PPIF: variants seen among roughly 807,000 people sequenced by gnomAD.
The protein encoded by PPIF is peptidylprolyl isomerase F, also known as peptidyl-prolyl cis-trans isomerase F, mitochondrial.
PPIF carries 23 observed loss-of-function variants against 20.2 expected under a neutral mutation model. The observed-to-expected ratio is 1.14, with a 90% CI of 0.82 to 1.61. The LOEUF is 1.61. Ranked by LOEUF, PPIF falls within the 40% of genes most tolerant of loss-of-function variation. PPIF has a pLI of 0.00. For synonymous variants in PPIF, 113 were observed against 123.1 expected (o/e 0.92, Z 0.54); for missense variants, 287 against 291.6 (o/e 0.98, Z 0.11).
Position 79,355,057 on chromosome 10 carries a change from C to A in PPIF, c.*1215C>A, listed in dbSNP as rs8837. On this transcript the variant is annotated 3_prime_UTR_variant, in exon 6 of 6. Coordinates refer to ENST00000225174, the MANE Select transcript of PPIF (RefSeq NM_005729.4). ...TCCCCAGTGCTGGAGGTGGGGCCTG[C>A]TACGAGGTGTTTGGATCATGGGGAC... 6.6e-6 allele frequency: 1 copy of A among 152,142 alleles called. No individual in the cohort carries two copies. Among genetic ancestry groups the A allele is most frequent in the African/African-American group, 2.4e-5 (1 of 41,402 alleles). 9.4% of individuals were successfully genotyped at this position (152,142 alleles called of 1,614,324 possible).
chr10:79,347,810 C>T, intron 1 of PPIF, 67 bp downstream of exon 1: 1 of 1,242,878 alleles, frequency 8.0e-7, no homozygotes, highest in Non-Finnish European at 1.0e-6. Flanking sequence ...GGGCCCCGGG[C>T]GGCGCGGTGC....
At chr10:79,349,436 C>G (rs1453710944) in intron 2 of PPIF, among the ~76,000 whole-genome samples, 1 of 152,256 alleles carries the variant, frequency 6.6e-6, no homozygotes, top group Non-Finnish European at 1.5e-5. Context: ...TGCTGGCCAG[C>G]ACAGCCATGA....
intron 4 of PPIF, 114 bp from the exon 5 acceptor site, chr10:79,352,203 A>G (rs1188395326): frequency 1.5e-5 from 14 of 925,088 alleles, no homozygotes; most frequent in Non-Finnish European, 2.1e-5. Context: ...TCTGGGTCCC[A>G]GGATCTGCAG....
intron 5 of PPIF, 34 bp downstream of exon 5, chr10:79,352,426 G>A (rs996167135): frequency 1.3e-5 from 20 of 1,595,434 alleles, no homozygotes; most frequent in South Asian, 5.5e-5. Flanking sequence ...CTGGGAATGC[G>A]GGCAGCCTTG....
At chr10:79,353,664 A>G in intron 5 of PPIF, 43 bp from the exon 6 acceptor site, 1 of 1,614,040 alleles carries the variant, frequency 6.2e-7, no homozygotes, top group South Asian at 1.1e-5. Context: ...ATTGGATGAC[A>G]TTGCGCTACA....
rs114909944 is a variant in PPIF at position 79,353,830 on chromosome 10, C to A, written c.612C>A (p.Gly204=). The A allele has an allele frequency of 6.2e-7, 1 of 1,614,138 alleles. No individual in the cohort carries two copies. The highest frequency in any genetic ancestry group is 8.5e-7 in the Non-Finnish European group (1 of 1,179,972). ...AGAAGATTGTCATCACAGACTGTGG[C>A]CAGTTGAGCTAATCTGTGGCCAGGG... ...TSKKIVITDC[G]QLS Residue 204 remains glycine, a synonymous_variant, in exon 6 of 6, where the codon GGC becomes GGA. Coordinates refer to ENST00000225174, the MANE Select transcript of PPIF (RefSeq NM_005729.4).
At chr10:79,353,011 G>A (rs751680364) in intron 5 of PPIF, among the ~76,000 whole-genome samples, 26 of 152,270 alleles carry the variant, frequency 1.7e-4, no homozygotes, top group Non-Finnish European at 3.7e-4. Context: ...GGCACCTGGG[G>A]ATGAACTGGC....
Position 79,349,728 on chromosome 10 carries a change from G to A in PPIF, c.290G>A (p.Arg97Lys). ...GGCTACAAAGGCTCCACCTTCCACA[G>A]GGTGATCCCTTCCTTCATGTGCCAG... ...GFGYKGSTFH[R>K]VIPSFMCQAG... The change falls in exon 3 of 6, where the codon AGG becomes AAG. Residue 97 changes from arginine to lysine, a missense_variant. Physicochemically the swap from Arg to Lys is conservative, Grantham distance 26. Coordinates refer to ENST00000225174, the MANE Select transcript of PPIF (RefSeq NM_005729.4). 6.2e-7 allele frequency: 1 copy of A among 1,614,070 alleles called. No individual in the cohort carries two copies. Among genetic ancestry groups the A allele is most frequent in the South Asian group, 1.1e-5 (1 of 91,080 alleles).
chr10:79,354,413 C>T lies in PPIF; in HGVS notation c.*571C>T, dbSNP rs76010993. On this transcript the variant is annotated 3_prime_UTR_variant, in exon 6 of 6. Coordinates refer to ENST00000225174, the MANE Select transcript of PPIF (RefSeq NM_005729.4). ...GGTTCCCCCGCTGAGATCTTTCCTC[C>T]TGGTTACTGTGAAGCCTGTTGGTTT... The T allele has an allele frequency of 7.4e-3, 1,146 of 154,998 alleles. 12 individuals carry two copies. The highest frequency in any genetic ancestry group is 0.026 in the African/African-American group (1,084 of 41,556). The allele number at this position is 154,998 out of a possible 1,614,324, so 9.6% of individuals were successfully genotyped here. A position where few individuals can be genotyped will look rare whatever the true frequency, so the allele number is the denominator to read the frequency against.
In PPIF at chr10:79,347,868, TCA is replaced by T. The variant is rs1491443879; in HGVS notation, c.195+126_195+127del. 5 of 1,213,648 alleles carry T rather than the reference TCA, an allele frequency of 4.1e-6. No individual in the cohort carries two copies. The Admixed American group carries it at 1.3e-4, about 31-fold the overall frequency. The allele number at this position is 1,213,648 out of a possible 1,614,324, so 75.2% of individuals were successfully genotyped here. A position where few individuals can be genotyped will look rare whatever the true frequency, so the allele number is the denominator to read the frequency against. On this transcript the variant is annotated intron_variant, in intron 1 of 5. Transcript: ENST00000225174. ...GCCTCCCCATGCCGAGCTCTGGGCC[TCA>T]GTTTCCCCATTTCTGAGAATGGGCG...
Position 79,348,270 on chromosome 10 carries a change from C to T in PPIF, c.195+527C>T, listed in dbSNP as rs539637963. On this transcript the variant is annotated intron_variant, in intron 1 of 5. Coordinates refer to ENST00000225174, the MANE Select transcript of PPIF (RefSeq NM_005729.4). ...TGCGGGCCCAGTAGGCCTCAGGCCCCGGCCACCTGGTGGACCCCAGAATGC... is the reference window on the plus strand; with the variant it reads ...TGCGGGCCCAGTAGGCCTCAGGCCCTGGCCACCTGGTGGACCCCAGAATGC... 2.0e-5 allele frequency among the ~76,000 whole-genome samples: 3 copies of T among 152,262 alleles called. No individual in the cohort carries two copies. The South Asian group carries it at 6.2e-4, about 32-fold the overall frequency.
In PPIF at chr10:79,347,507, C is replaced by T. The variant is rs908367798; in HGVS notation, c.-42C>T. 1.5e-5 allele frequency: 19 copies of T among 1,275,432 alleles called. No individual in the cohort carries two copies. Among genetic ancestry groups the T allele is most frequent in the African/African-American group, 3.1e-5 (2 of 64,172 alleles). The allele number at this position is 1,275,432 out of a possible 1,614,324, so 79.0% of individuals were successfully genotyped here. The stretch of plus-strand genomic sequence containing the variant: ...GGCGCGCGCGACGTCAGTTTGAGTT[C>T]TGTGTTCTCCCCGCCCGTGTCCCGC... On this transcript the variant is annotated 5_prime_UTR_variant, in exon 1 of 6. Transcript: ENST00000225174.
chr10:79,349,036 C>T, intron 1 of PPIF, 40 bp from the exon 2 acceptor site: 2 of 1,613,756 alleles, frequency 1.2e-6, no homozygotes, highest in East Asian at 4.5e-5. Context: ...ACCTGCCTCT[C>T]CAATGACCAT....
At chr10:79,348,123 C>G (rs1409529734) in intron 1 of PPIF, among the ~76,000 whole-genome samples, 1 of 151,608 alleles carries the variant, frequency 6.6e-6, no homozygotes, top group Non-Finnish European at 1.5e-5. Context: ...CGTGGCCCAG[C>G]GGGTGCTCAC....
rs1428760461 is a variant in PPIF at position 79,349,711 on chromosome 10, AG to A, written c.275del (p.Gly92AlafsTer7). ...CTGEKGFGYK[G>X]STFHRVIPSF... Reference sequence around the variant, plus strand: ...CTGGTGAGAAGGGCTTCGGCTACAAAGGCTCCACCTTCCACAGGGTGATCCC... The same window carrying A: ...CTGGTGAGAAGGGCTTCGGCTACAAAGCTCCACCTTCCACAGGGTGATCCC... On this transcript the variant is annotated frameshift_variant, in exon 3 of 6. Coordinates refer to ENST00000225174, the MANE Select transcript of PPIF (RefSeq NM_005729.4). LOFTEE classifies it high-confidence loss of function. 8 of 1,613,808 alleles carry A rather than the reference AG, an allele frequency of 5.0e-6. No homozygotes were observed. Among genetic ancestry groups the A allele is most frequent in the Non-Finnish European group, 5.9e-6 (7 of 1,180,022 alleles).
Position 79,353,865 on chromosome 10 carries a change from G to A in PPIF, c.*23G>A. 1 of 1,611,362 alleles carries A rather than the reference G, an allele frequency of 6.2e-7. No individual in the cohort carries two copies. Among genetic ancestry groups the A allele is most frequent in the Non-Finnish European group, 8.5e-7 (1 of 1,178,158 alleles). Reference sequence around the variant, plus strand: ...TAATCTGTGGCCAGGGTGCTGGCATGGTGGCAGCTGCAAATGTCCATGCAC... The same window carrying A: ...TAATCTGTGGCCAGGGTGCTGGCATAGTGGCAGCTGCAAATGTCCATGCAC... On this transcript the variant is annotated 3_prime_UTR_variant, in exon 6 of 6. Coordinates refer to ENST00000225174, the MANE Select transcript of PPIF (RefSeq NM_005729.4).
At chr10:79,353,560 T>C in intron 5 of PPIF, 147 bp from the exon 6 acceptor site, 1 of 1,436,400 alleles carries the variant, frequency 7.0e-7, no homozygotes, top group Non-Finnish European at 9.5e-7. Flanking sequence ...TCAACAAGGC[T>C]TGATCGAGCT....
Position 79,349,664 on chromosome 10 carries a change from G to C in PPIF, c.227-1G>C. The C allele has an allele frequency of 6.2e-7, 1 of 1,613,282 alleles. No homozygotes were observed. Among genetic ancestry groups the C allele is most frequent in the Non-Finnish European group, 8.5e-7 (1 of 1,179,990 alleles). ...GACCTGTGTTTCTCTTCGACCCTCA[G>C]AGAACTTCAGAGCCCTGTGCACTGG... On this transcript the variant is annotated splice_acceptor_variant, in intron 2 of 5. Transcript: ENST00000225174. LOFTEE classifies it high-confidence loss of function.
chr10:79,354,634 C>G lies in PPIF; in HGVS notation c.*792C>G, dbSNP rs1043972548. 1 of 152,742 alleles carries G rather than the reference C, an allele frequency of 6.5e-6. No individual in the cohort carries two copies. Among genetic ancestry groups the G allele is most frequent in the Non-Finnish European group, 1.5e-5 (1 of 68,056 alleles). 9.5% of individuals were successfully genotyped at this position (152,742 alleles called of 1,614,324 possible). A position where few individuals can be genotyped will look rare whatever the true frequency, so the allele number is the denominator to read the frequency against. On this transcript the variant is annotated 3_prime_UTR_variant, in exon 6 of 6. Coordinates refer to ENST00000225174, the MANE Select transcript of PPIF (RefSeq NM_005729.4). Reference sequence around the variant, plus strand: ...GTGTGTTAAAGAAATTCAATCTACTCATGATGTGTTATGCATAAAACATTT... The same window carrying G: ...GTGTGTTAAAGAAATTCAATCTACTGATGATGTGTTATGCATAAAACATTT...
Sources: gnomAD v4.1 joint callset for allele counts (sites outside exome capture counted in the v4.1 genomes callset) on GRCh38, gnomAD v4.1.1 for gene constraint, MANE v1.5 for transcripts, NCBI Gene and HGNC (gene_info 2026-07-23, HGNC 2026-07-21) for gene names.